The following PRKCQ variants were observed in gnomAD, a reference collection of about 807,000 sequenced individuals.
The protein encoded by PRKCQ is protein kinase C theta type.
In PRKCQ, 41 loss-of-function variants were observed where a neutral mutation model predicts 91.2. That is an observed-to-expected ratio of 0.45 (90% confidence interval 0.35 to 0.58). PRKCQ has a LOEUF of 0.58. Among genes scored for constraint, PRKCQ ranks in the 20% least tolerant of loss-of-function variants. The pLI is 0.00. For missense variants in PRKCQ, 673 were observed against 896.5 expected, an observed-to-expected ratio of 0.75 and a Z score of 3.18; for synonymous variants, 307 against 316.9, an observed-to-expected ratio of 0.97 and a Z score of 0.33.
At chr10:6,452,348 A>G (rs200550327) in intron 15 of PRKCQ, among the ~76,000 whole-genome samples, 58,473 of 151,554 alleles carry the variant, frequency 0.39, 11,702 homozygotes, top group East Asian at 0.5. Context: ...TAAAATACCT[A>G]GGAATCCAAC....
chr10:6,580,238 C>A lies in PRKCQ; in HGVS notation c.-37G>T. On this transcript the variant is annotated 5_prime_UTR_variant, in exon 1 of 18. Transcript: ENST00000263125. ...GGAGCGAGCACGGCGCCGCTGCTGCCCGGTGGCGCTGGGACTGCGCGGGGA... is the reference window on the plus strand; with the variant it reads ...GGAGCGAGCACGGCGCCGCTGCTGCACGGTGGCGCTGGGACTGCGCGGGGA... 1 of 151,948 alleles carries A rather than the reference C, an allele frequency of 6.6e-6. No homozygotes were observed. Among genetic ancestry groups the A allele is most frequent in the South Asian group, 1.9e-4 (1 of 5,278 alleles). The allele number at this position is 151,948 out of a possible 1,614,324, so 9.4% of individuals were successfully genotyped here.
intron 16 of PRKCQ, among the ~76,000 whole-genome samples, chr10:6,432,433 T>G (rs144240079): frequency 0.011 from 1,669 of 152,274 alleles, 40 homozygotes; most frequent in African/African-American, 0.038. Context: ...GGTGAAATGT[T>G]TGTGCAATCA....
chr10:6,424,525 C>T (rs1390815980), downstream of PRKCQ, among the ~76,000 whole-genome samples: 1 of 152,152 alleles, frequency 6.6e-6, no homozygotes, highest in African/African-American at 2.4e-5. Flanking sequence ...CAGGAGAAGT[C>T]TTCCTTGGTT....
the PRKCQ span, among the ~76,000 whole-genome samples, chr10:6,399,089 G>A: frequency 6.6e-6 from 1 of 152,148 alleles, no homozygotes; most frequent in Non-Finnish European, 1.5e-5. Flanking sequence ...ACTGCACCCA[G>A]CCATTAAAGC....
intron 1 of PRKCQ, among the ~76,000 whole-genome samples, chr10:6,521,124 T>C (rs548379239): frequency 9.7e-4 from 147 of 152,114 alleles, no homozygotes; most frequent in Non-Finnish European, 1.8e-3. Context: ...TGCAGTTGGA[T>C]TTATGGGTTC....
chr10:6,425,772 T>C (rs1040685006), downstream of PRKCQ, among the ~76,000 whole-genome samples: 1 of 152,058 alleles, frequency 6.6e-6, no homozygotes, highest in Non-Finnish European at 1.5e-5. Flanking sequence ...CTAGGAAACA[T>C]AGGGAGACTC....
intron 1 of PRKCQ, among the ~76,000 whole-genome samples, chr10:6,519,879 G>A (rs560210408): frequency 6.6e-6 from 1 of 152,236 alleles, no homozygotes; most frequent in African/African-American, 2.4e-5. Context: ...AACCTGGGAG[G>A]CATAAAACCA....
At chr10:6,460,352 A>C (rs542413906) in intron 14 of PRKCQ, among the ~76,000 whole-genome samples, 2 of 151,954 alleles carry the variant, frequency 1.3e-5, no homozygotes, top group South Asian at 2.1e-4. Context: ...TGATAGAAAG[A>C]AGCTTTGTGA....
At chr10:6,527,795 C>T (rs1056463573) in intron 1 of PRKCQ, among the ~76,000 whole-genome samples, 1 of 152,190 alleles carries the variant, frequency 6.6e-6, no homozygotes, top group Non-Finnish European at 1.5e-5. Flanking sequence ...TTTCTGGCCC[C>T]TAAATCCTTC....
Position 6,498,426 on chromosome 10 carries a change from G to A in PRKCQ, c.512C>T (p.Thr171Ile), listed in dbSNP as rs1837733004. 1 of 1,614,202 alleles carries A rather than the reference G, an allele frequency of 6.2e-7. No individual in the cohort carries two copies. Among genetic ancestry groups the A allele is most frequent in the Non-Finnish European group, 8.5e-7 (1 of 1,180,042 alleles). ...EFTATFFPQP[T>I]FCSVCHEFVW... Reference sequence around the variant, plus strand: ...AAACTCGTGGCAGACAGAGCAAAATGTGGGCTGTGGGAAGAAGGTGGCAGT... The same window carrying A: ...AAACTCGTGGCAGACAGAGCAAAATATGGGCTGTGGGAAGAAGGTGGCAGT... The change falls in exon 5 of 18, where the codon ACA (threonine) becomes ATA (isoleucine). Residue 171 changes from threonine (T) to isoleucine (I), a missense_variant. By Grantham distance (89) the Thr-to-Ile change is moderately conservative (BLOSUM62 -1). Coordinates refer to ENST00000263125, the MANE Select transcript of PRKCQ (RefSeq NM_006257.5).
rs1403176415 is a variant in PRKCQ, at chr10:6,561,187, A to C, written c.-10+19024T>G. On this transcript the variant is annotated intron_variant, in intron 1 of 17. Transcript: ENST00000263125. ...AGGGTTTGAGGCTAGCCTGGGCAAC[A>C]CAGCGAAACTGTGTCTCTACTAAAA... 3.3e-5 allele frequency among the ~76,000 whole-genome samples: 5 copies of C among 151,796 alleles called. No individual in the cohort carries two copies. In the East Asian group the frequency reaches 7.7e-4, roughly 24 times the overall value.
intron 4 of PRKCQ, among the ~76,000 whole-genome samples, chr10:6,504,515 A>G (rs568956038): frequency 6.6e-6 from 1 of 152,182 alleles, no homozygotes; most frequent in South Asian, 2.1e-4. Context: ...AGAAAACTCA[A>G]CTCTTGCTAA....
intron 1 of PRKCQ, among the ~76,000 whole-genome samples, chr10:6,573,521 A>G (rs1429058382): frequency 5.3e-5 from 8 of 152,220 alleles, no homozygotes; most frequent in Non-Finnish European, 4.4e-5. Context: ...CCAAGCAATC[A>G]TCTACATATA....
intron 3 of PRKCQ, among the ~76,000 whole-genome samples, chr10:6,508,483 A>G (rs2130851868): frequency 6.6e-6 from 1 of 152,384 alleles, no homozygotes; most frequent in South Asian, 2.1e-4. Flanking sequence ...TGAAAAACAG[A>G]CATAATAGCA....
intron 4 of PRKCQ, among the ~76,000 whole-genome samples, chr10:6,504,353 C>T (rs964245161): frequency 6.6e-6 from 1 of 152,200 alleles, no homozygotes; most frequent in Non-Finnish European, 1.5e-5. Flanking sequence ...ATGCACTCCT[C>T]TTGCCCTCCA....
chr10:6,411,555 G>A, the PRKCQ span, among the ~76,000 whole-genome samples: 148,358 of 152,346 alleles, frequency 0.97, 72,347 homozygotes, highest in East Asian at 1. Flanking sequence ...GATTTTGTCT[G>A]GAGATTGGCA....
intron 12 of PRKCQ, among the ~76,000 whole-genome samples, chr10:6,475,885 G>T (rs1836240888): frequency 6.6e-6 from 1 of 152,146 alleles, no homozygotes; most frequent in Non-Finnish European, 1.5e-5. Context: ...CTTTCTAAAA[G>T]GACTCAGTTC....
chr10:6,427,133 C>G (rs1021582853), downstream of PRKCQ: 3 of 151,722 alleles, frequency 2.0e-5, no homozygotes, highest in Non-Finnish European at 4.4e-5. Flanking sequence ...GGGAAGTAAA[C>G]GATTAAGAGG....
At chr10:6,478,954 T>C in intron 12 of PRKCQ, 38 bp downstream of exon 12, 2 of 1,607,768 alleles carry the variant, frequency 1.2e-6, no homozygotes, top group Non-Finnish European at 1.7e-6. Context: ...CTGAGACAGG[T>C]TAGAGGGGAG....
Sources: gnomAD v4.1 joint callset for allele counts (sites outside exome capture counted in the v4.1 genomes callset) on GRCh38, gnomAD v4.1.1 for gene constraint, MANE v1.5 for transcripts, NCBI Gene and HGNC (gene_info 2026-07-23, HGNC 2026-07-21) for gene names.